Variants in BLOC1S5 observed in about 807,000 individuals in gnomAD.
BLOC1S5 encodes the protein biogenesis of lysosomal organelles complex 1 subunit 5.
In BLOC1S5, 27 loss-of-function variants were observed where a neutral mutation model predicts 24.3. The ratio of observed to expected loss-of-function variants is 1.11; its 90% confidence interval spans 0.82 to 1.53. The LOEUF is 1.53. Ranked by LOEUF, BLOC1S5 falls within the 40% of genes most tolerant of loss-of-function variation. The probability of loss-of-function intolerance (pLI) is 0.00; values close to 1 mark genes in which losing one functional copy is unlikely to be tolerated. For synonymous variants in BLOC1S5, 84 were observed against 74.5 expected (o/e 1.13, Z -0.66); for missense variants, 239 against 229.4 (o/e 1.04, Z -0.27).
rs1762805021 is a variant in BLOC1S5 at position 8,018,132 on chromosome 6, G to A, written c.385-2304C>T. ...AGTGGTAGGGAGAGAGGATTAGGGA[G>A]GAGTTTACTCATCCAATAAATTGGT... On this transcript the variant is annotated intron_variant, in intron 4 of 4. Coordinates refer to ENST00000397457, the MANE Select transcript of BLOC1S5 (RefSeq NM_201280.3). 2.0e-5 allele frequency: 3 copies of A among 152,188 alleles called. No homozygotes were observed. The South Asian group carries it at 6.2e-4, about 32-fold the overall frequency. 9.4% of individuals were successfully genotyped at this position (152,188 alleles called of 1,614,324 possible). A position where few individuals can be genotyped will look rare whatever the true frequency, so the allele number is the denominator to read the frequency against.
intron 2 of BLOC1S5, among the ~76,000 whole-genome samples, chr6:8,047,819 AT>A (rs1187269471): frequency 1.3e-5 from 2 of 152,190 alleles, no homozygotes; most frequent in Non-Finnish European, 2.9e-5. Flanking sequence ...CATGGGTTGT[AT>A]ACTCTCAACA....
chr6:8,057,696 T>C (rs1439539156), intron 2 of BLOC1S5, among the ~76,000 whole-genome samples: 3 of 152,262 alleles, frequency 2.0e-5, no homozygotes, highest in African/African-American at 7.2e-5. Context: ...GTGAAATTCC[T>C]GTGCTGCCTT....
rs184350142 is a variant in BLOC1S5 at position 8,033,797 on chromosome 6, C to T, written c.325+7342G>A. ...AAATTTACAAGAGAAAAACAAACAACGCCATCAAAAAGTGGGCAAAGGATA... is the reference window on the plus strand; with the variant it reads ...AAATTTACAAGAGAAAAACAAACAATGCCATCAAAAAGTGGGCAAAGGATA... On this transcript the variant is annotated intron_variant, in intron 3 of 4. Coordinates refer to ENST00000397457, the MANE Select transcript of BLOC1S5 (RefSeq NM_201280.3). Among the ~76,000 whole-genome samples the T allele has an allele frequency of 1.9e-4, 29 of 151,982 alleles. 1 individual carries two copies. The East Asian group carries it at 4.6e-3, about 24-fold the overall frequency.
chr6:8,053,095 C>T (rs1466132887), intron 2 of BLOC1S5, among the ~76,000 whole-genome samples: 1 of 152,068 alleles, frequency 6.6e-6, no homozygotes, highest in African/African-American at 2.4e-5. Flanking sequence ...AAGAGTCGCA[C>T]AACTCCCACT....
intron 2 of BLOC1S5, among the ~76,000 whole-genome samples, chr6:8,061,404 C>T (rs140259380): frequency 5.3e-5 from 8 of 152,256 alleles, no homozygotes; most frequent in East Asian, 1.9e-4. Flanking sequence ...CAATTACACA[C>T]GCTAATTAAC....
chr6:8,046,444 T>TA (rs200376767), intron 2 of BLOC1S5, among the ~76,000 whole-genome samples: 8 of 152,002 alleles, frequency 5.3e-5, no homozygotes, highest in Admixed American at 2.0e-4. Context: ...AAGAAGTTAC[T>TA]AAAAAAAAGA....
intron 2 of BLOC1S5, among the ~76,000 whole-genome samples, chr6:8,055,424 A>G (rs1764273994): frequency 1.3e-5 from 2 of 151,986 alleles, no homozygotes; most frequent in African/African-American, 4.8e-5. Flanking sequence ...GAAGAGTAAG[A>G]CTCTGTCTCA....
rs909951379 is a variant in BLOC1S5, at chr6:8,015,438, A to G, written c.*211T>C. The G allele has an allele frequency of 5.7e-5, 28 of 488,324 alleles. No individual in the cohort carries two copies. The highest frequency in any genetic ancestry group is 4.9e-4 in the African/African-American group (25 of 51,466). The allele number at this position is 488,324 out of a possible 1,614,324, so 30.2% of individuals were successfully genotyped here. A position where few individuals can be genotyped will look rare whatever the true frequency, so the allele number is the denominator to read the frequency against. ...CTTCCTACTCCTCTTCATTCAAATAATCATATATAGGCACTTAAAGCTGGA... is the reference window on the plus strand; with the variant it reads ...CTTCCTACTCCTCTTCATTCAAATAGTCATATATAGGCACTTAAAGCTGGA... On this transcript the variant is annotated 3_prime_UTR_variant, in exon 5 of 5. Transcript: ENST00000397457.
At position 8,050,083 on chromosome 6, in the gene BLOC1S5, A is replaced by T. The variant is rs191582854; in HGVS notation, c.196-8815T>A. Among the ~76,000 whole-genome samples, 8 of 152,316 alleles carry T rather than the reference A, an allele frequency of 5.3e-5. No homozygotes were observed. The South Asian group carries it at 1.0e-3, about 20-fold the overall frequency. On this transcript the variant is annotated intron_variant, in intron 2 of 4. Transcript: ENST00000397457. ...GCTTTGCAGATACTATGTTTTTTAC[A>T]AATTGAAGGTTTGTGGCAACGCTGT... is the stretch of plus-strand genomic sequence containing the variant.
intron 3 of BLOC1S5, among the ~76,000 whole-genome samples, chr6:8,029,169 C>T (rs182113305): frequency 7.2e-5 from 11 of 152,218 alleles, no homozygotes; most frequent in Non-Finnish European, 1.0e-4. Flanking sequence ...TTCCAAAATG[C>T]GGATATAGAA....
At chr6:8,034,812 G>C (rs926343909) in intron 3 of BLOC1S5, among the ~76,000 whole-genome samples, 1 of 152,020 alleles carries the variant, frequency 6.6e-6, no homozygotes, top group African/African-American at 2.4e-5. Context: ...AGGAAAAGAA[G>C]TCATTATATG....
At chr6:8,057,963 T>C (rs1428617022) in intron 2 of BLOC1S5, among the ~76,000 whole-genome samples, 4 of 152,242 alleles carry the variant, frequency 2.6e-5, no homozygotes, top group African/African-American at 9.6e-5. Flanking sequence ...TTCGTGCTTA[T>C]AACAATTACA....
At chr6:8,053,799 T>C (rs980412447) in intron 2 of BLOC1S5, among the ~76,000 whole-genome samples, 5 of 152,114 alleles carry the variant, frequency 3.3e-5, no homozygotes, top group African/African-American at 9.7e-5. Flanking sequence ...ACATACATAA[T>C]ATATATATAA....
intron 4 of BLOC1S5, among the ~76,000 whole-genome samples, chr6:8,017,245 AAAC>A (rs1428403278): frequency 6.6e-6 from 1 of 152,196 alleles, no homozygotes. Context: ...TCTATTAAAC[AAAC>A]AAAAACTGGG....
intron 3 of BLOC1S5, among the ~76,000 whole-genome samples, chr6:8,028,940 C>T (rs540510223): frequency 1.3e-5 from 2 of 151,960 alleles, no homozygotes; most frequent in Non-Finnish European, 2.9e-5. Context: ...CCTGTTATCT[C>T]AGTGTTTTAG....
intron 2 of BLOC1S5, among the ~76,000 whole-genome samples, chr6:8,058,337 C>T (rs1355628351): frequency 8.3e-6 from 1 of 119,776 alleles, no homozygotes; most frequent in Non-Finnish European, 1.6e-5. Flanking sequence ...ATGGGCAACA[C>T]AGTGAGACCC....
chr6:8,037,373 CA>C (rs1763522668), intron 3 of BLOC1S5, among the ~76,000 whole-genome samples: 1 of 152,086 alleles, frequency 6.6e-6, no homozygotes, highest in South Asian at 2.1e-4. Context: ...ACCCTATTTA[CA>C]ATAGCTACAA....
rs1762698773 is a variant in BLOC1S5 at position 8,015,430 on chromosome 6, T to C, written c.*219A>G. 1 of 473,520 alleles carries C rather than the reference T, an allele frequency of 2.1e-6. No individual in the cohort carries two copies. The highest frequency in any genetic ancestry group is 3.7e-6 in the Non-Finnish European group (1 of 270,684). The allele number at this position is 473,520 out of a possible 1,614,324, so 29.3% of individuals were successfully genotyped here. A position where few individuals can be genotyped will look rare whatever the true frequency, so the allele number is the denominator to read the frequency against. ...CCATTTTCCTTCCTACTCCTCTTCATTCAAATAATCATATATAGGCACTTA... is the reference window on the plus strand; with the variant it reads ...CCATTTTCCTTCCTACTCCTCTTCACTCAAATAATCATATATAGGCACTTA... On this transcript the variant is annotated 3_prime_UTR_variant, in exon 5 of 5. Coordinates refer to ENST00000397457, the MANE Select transcript of BLOC1S5 (RefSeq NM_201280.3).
In BLOC1S5 at chr6:8,022,568, A is replaced by ATTTTTTT. The variant is rs35289860; in HGVS notation, c.384+3792_384+3798dup. 1.1e-4 allele frequency among the ~76,000 whole-genome samples: 14 copies of ATTTTTTT among 124,014 alleles called. 1 individual carries two copies. In the East Asian group the frequency reaches 1.5e-3, roughly 13 times the overall value. The allele number at this position is 124,014 out of a possible 152,430, so 81.4% of individuals were successfully genotyped here. A position where few individuals can be genotyped will look rare whatever the true frequency, so the allele number is the denominator to read the frequency against. On this transcript the variant is annotated intron_variant, in intron 4 of 4. Transcript: ENST00000397457. ...ATATGTTACTCTATTTTCAAACTCT[A>ATTTTTTT]TTTTTTTTTTCTTTTTTTTTTTTCT...
Sources: allele counts gnomAD v4.1 joint callset (sites outside exome capture counted in the v4.1 genomes callset), GRCh38; gene constraint gnomAD v4.1.1; transcripts MANE v1.5; gene names NCBI Gene and HGNC (gene_info 2026-07-23, HGNC 2026-07-21).